Variants in CD47 observed in about 807,000 individuals in gnomAD.
CD47 encodes leukocyte surface antigen CD47.
A neutral mutation model predicts 44.6 loss-of-function variants in CD47; 11 were observed. The ratio of observed to expected loss-of-function variants is 0.25; its 90% CI spans 0.16 to 0.41. The LOEUF is 0.41. Ranked by LOEUF, CD47 falls within the 10% of genes least tolerant of loss-of-function variation. CD47 has a pLI of 1.00. For synonymous variants in CD47, 140 were observed against 136.3 expected, an observed-to-expected ratio of 1.03 and a Z score of -0.19; for missense variants, 306 against 386.7, an observed-to-expected ratio of 0.79 and a Z score of 1.75.
At chr3:108,084,316 G>A (rs2079476428) in intron 1 of CD47, among the ~76,000 whole-genome samples, 1 of 151,974 alleles carries the variant, frequency 6.6e-6, no homozygotes, top group Non-Finnish European at 1.5e-5. Context: ...TCTTGAGCCA[G>A]TGGGCAGTCT....
At chr3:108,051,242 T>C (rs999749630) in intron 8 of CD47, among the ~76,000 whole-genome samples, 1 of 152,228 alleles carries the variant, frequency 6.6e-6, no homozygotes, top group Admixed American at 6.5e-5. Flanking sequence ...TATAGGAAGC[T>C]AAGTACAATA....
At chr3:108,066,311 T>A (rs772362768) in intron 3 of CD47, among the ~76,000 whole-genome samples, 34 of 152,158 alleles carry the variant, frequency 2.2e-4, no homozygotes, top group Non-Finnish European at 3.7e-4. Context: ...AGTACAGCAG[T>A]CCTCACTTTG....
rs2078659815 is a variant in CD47, at chr3:108,043,371, T to C, written c.*3917A>G. On this transcript the variant is annotated 3_prime_UTR_variant, in exon 11 of 11. Coordinates refer to ENST00000361309, the MANE Select transcript of CD47 (RefSeq NM_001777.4). The stretch of plus-strand genomic sequence containing the variant: ...TTACAAAGTTATGTTTTTTTTTAAA[T>C]AAAAAAGTACCTTGGCAAAGATTGC... 6.6e-6 allele frequency: 1 copy of C among 151,580 alleles called. No homozygotes were observed. Among genetic ancestry groups the C allele is most frequent in the Non-Finnish European group, 1.5e-5 (1 of 67,820 alleles). 9.4% of individuals were successfully genotyped at this position (151,580 alleles called of 1,614,324 possible).
In CD47 at chr3:108,080,309, C is replaced by T; in HGVS notation, c.82G>A (p.Val28Ile). Residue 28 changes from valine to isoleucine, a missense_variant, in exon 2 of 11, where the codon GTA (valine) becomes ATA (isoleucine). Val to Ile is a conservative substitution (Grantham distance 29). Coordinates refer to ENST00000361309, the MANE Select transcript of CD47 (RefSeq NM_001777.4). ...AQLLFNKTKS[V>I]EFTFCNDTVV... The stretch of plus-strand genomic sequence containing the variant: ...GTGTCATTACAAAACGTGAATTCTA[C>T]AGATTTTGTTTTATTAAATAGTAGC... The T allele has an allele frequency of 6.2e-7, 1 of 1,609,318 alleles. No homozygotes were observed. Among genetic ancestry groups the T allele is most frequent in the Non-Finnish European group, 8.5e-7 (1 of 1,176,854 alleles).
intron 3 of CD47, among the ~76,000 whole-genome samples, chr3:108,064,835 T>C (rs768068663): frequency 1.3e-5 from 2 of 152,192 alleles, no homozygotes; most frequent in Non-Finnish European, 2.9e-5. Context: ...GGAAAGTAAT[T>C]TTAGAATATA....
chr3:108,081,416 T>C (rs993884712), intron 1 of CD47, among the ~76,000 whole-genome samples: 1 of 152,012 alleles, frequency 6.6e-6, no homozygotes, highest in African/African-American at 2.4e-5. Flanking sequence ...ATATCAACTT[T>C]GTTAATAGTT....
chr3:108,065,420 T>C (rs975547593), intron 3 of CD47, among the ~76,000 whole-genome samples: 1 of 152,048 alleles, frequency 6.6e-6, no homozygotes, highest in African/African-American at 2.4e-5. Flanking sequence ...CCTCCTACAA[T>C]AAAATCAGCA....
intron 5 of CD47, 137 bp downstream of exon 5, chr3:108,059,315 T>C: frequency 9.1e-6 from 4 of 440,632 alleles, no homozygotes; most frequent in Non-Finnish European, 1.7e-5. Context: ...AAAATGTCAC[T>C]AAGAATAGCA....
chr3:108,055,554 G>A lies in CD47; in HGVS notation c.877+1923C>T, dbSNP rs769805770. ...TCTTGCCTTTCAACTGACTGTAGGT[G>A]TCCCTCTGAACCCTGGCATCAGACA... On this transcript the variant is annotated intron_variant, in intron 7 of 10. Transcript: ENST00000361309. 1.1e-4 allele frequency: 149 copies of A among 1,303,720 alleles called. 1 individual carries two copies. In the South Asian group the frequency reaches 1.8e-3, roughly 16 times the overall value. The allele number at this position is 1,303,720 out of a possible 1,614,324, so 80.8% of individuals were successfully genotyped here. A position where few individuals can be genotyped will look rare whatever the true frequency, so the allele number is the denominator to read the frequency against.
intron 1 of CD47, among the ~76,000 whole-genome samples, chr3:108,088,577 C>A (rs1339963808): frequency 6.6e-6 from 1 of 151,496 alleles, no homozygotes; most frequent in African/African-American, 2.4e-5. Context: ...TACTACTAGA[C>A]TTAGACGATG....
intron 2 of CD47, among the ~76,000 whole-genome samples, chr3:108,074,853 T>C (rs2079278927): frequency 6.6e-6 from 1 of 152,038 alleles, no homozygotes; most frequent in Non-Finnish European, 1.5e-5. Context: ...TGGGAAAAGT[T>C]TGAGGATCAT....
rs147583656 is a variant in CD47, at chr3:108,056,508, C to T, written c.877+969G>A. ...TATTTGACTATAACAATTCAAGTTTCGTATTAAGTTTTAGAAACACATACA... is the reference window on the plus strand; with the variant it reads ...TATTTGACTATAACAATTCAAGTTTTGTATTAAGTTTTAGAAACACATACA... On this transcript the variant is annotated intron_variant, in intron 7 of 10. Transcript: ENST00000361309. 6.9e-3 allele frequency among the ~76,000 whole-genome samples: 1,049 copies of T among 152,178 alleles called. 13 individuals carry two copies. The highest frequency in any genetic ancestry group is 0.024 in the African/African-American group (1,000 of 41,546).
At chr3:108,082,938 TAACTAC>T (rs1375763991) in intron 1 of CD47, among the ~76,000 whole-genome samples, 1 of 152,016 alleles carries the variant, frequency 6.6e-6, no homozygotes, top group Non-Finnish European at 1.5e-5. Flanking sequence ...CTCTAGCTGT[TAACTAC>T]AACTTCAATC....
At chr3:108,088,771 T>C (rs967395912) in intron 1 of CD47, among the ~76,000 whole-genome samples, 2 of 152,240 alleles carry the variant, frequency 1.3e-5, no homozygotes, top group African/African-American at 4.8e-5. Flanking sequence ...AGTATAATTG[T>C]ACATGAGTGG....
At chr3:108,062,581 A>G (rs182820552) in intron 3 of CD47, among the ~76,000 whole-genome samples, 10 of 152,170 alleles carry the variant, frequency 6.6e-5, no homozygotes, top group Admixed American at 6.5e-4. Flanking sequence ...CTTAGAGTAC[A>G]GTATAATTTC....
chr3:108,048,684 G>A (rs958741721), intron 10 of CD47, among the ~76,000 whole-genome samples: 3 of 152,042 alleles, frequency 2.0e-5, no homozygotes, highest in Non-Finnish European at 4.4e-5. Flanking sequence ...GCGCCCGGCC[G>A]ACTGGAGTGT....
At chr3:108,079,020 T>C (rs558342236) in intron 2 of CD47, among the ~76,000 whole-genome samples, 1 of 152,028 alleles carries the variant, frequency 6.6e-6, no homozygotes, top group Non-Finnish European at 1.5e-5. Flanking sequence ...TGATTCTCAA[T>C]CCTAAGTAAT....
intron 2 of CD47, among the ~76,000 whole-genome samples, chr3:108,074,077 T>C (rs531497175): frequency 3.0e-4 from 45 of 152,318 alleles, no homozygotes; most frequent in African/African-American, 9.1e-4. Flanking sequence ...GAACTGAAAT[T>C]GCCTGATAAC....
intron 1 of CD47, among the ~76,000 whole-genome samples, chr3:108,086,735 T>C (rs575752366): frequency 2.0e-4 from 31 of 151,966 alleles, no homozygotes; most frequent in Non-Finnish European, 3.2e-4. Context: ...GTTCTTGAGG[T>C]TTTTTGTTTT....
Sources: allele counts gnomAD v4.1 joint callset (sites outside exome capture counted in the v4.1 genomes callset), GRCh38; gene constraint gnomAD v4.1.1; transcripts MANE v1.5; gene names NCBI Gene and HGNC (gene_info 2026-07-23, HGNC 2026-07-21).